The following KRT73 variants were observed in gnomAD, a reference collection of about 807,000 sequenced individuals.
KRT73 encodes the protein keratin 73.
A neutral mutation model predicts 47.2 loss-of-function variants in KRT73; 44 were observed. That is an observed-to-expected ratio of 0.93 (90% CI 0.73 to 1.20). KRT73 has a LOEUF of 1.20. Among genes scored for constraint, KRT73 ranks in the 50% most tolerant of loss-of-function variants. The pLI is 0.00. For synonymous variants in KRT73, 285 were observed against 291.3 expected (o/e 0.98, Z 0.22); for missense variants, 713 against 704.5 (o/e 1.01, Z -0.14).
At chr12:52,630,482 C>A in the KRT73 span, among the ~76,000 whole-genome samples, 5 of 152,146 alleles carry the variant, frequency 3.3e-5, no homozygotes, top group African/African-American at 1.2e-4. Context: ...TGCAGGGCAG[C>A]ACTGTGCCGA....
At chr12:52,621,570 G>T (rs1940907620), upstream of KRT73, among the ~76,000 whole-genome samples, 1 of 152,080 alleles carries the variant, frequency 6.6e-6, no homozygotes, top group African/African-American at 2.4e-5. Context: ...TCCAGACTTG[G>T]GGCAGAAGAA....
At chr12:52,613,992 G>T in intron 4 of KRT73, 140 bp from the exon 5 acceptor site, 1 of 1,319,676 alleles carries the variant, frequency 7.6e-7, no homozygotes, top group Non-Finnish European at 1.0e-6. Flanking sequence ...TAAGAACAGA[G>T]CTCACAGCCC....
intron 3 of KRT73, chr12:52,614,955 A>T (rs1428462105): frequency 1.9e-6 from 1 of 527,286 alleles, no homozygotes; most frequent in Non-Finnish European, 3.3e-6. Context: ...GAGGGAGGCA[A>T]GGACAGCCAC....
chr12:52,627,570 G>A, the KRT73 span, among the ~76,000 whole-genome samples: 2 of 152,140 alleles, frequency 1.3e-5, no homozygotes, highest in Admixed American at 6.6e-5. Context: ...AGCAGGAGAC[G>A]AAACAGGAGA....
chr12:52,620,120 T>C (rs532749893), upstream of KRT73, among the ~76,000 whole-genome samples: 1 of 145,914 alleles, frequency 6.9e-6, no homozygotes, highest in Admixed American at 6.8e-5. Flanking sequence ...TTTTTTTTTT[T>C]TTTTTTTTTT....
rs774488495 is a variant in KRT73 at position 52,610,597 on chromosome 12, T to A, written c.1331+18A>T. ...GGTGGAGACTTGCAGTTTCTTCCAG[T>A]CCCTCGGTCCCACCCACCTGCACTC... On this transcript the variant is annotated intron_variant, in intron 7 of 8. Coordinates refer to ENST00000305748, the MANE Select transcript of KRT73 (RefSeq NM_175068.3). The A allele has an allele frequency of 3.0e-6, 4 of 1,346,920 alleles. No homozygotes were observed. In the South Asian group the frequency reaches 3.4e-5, roughly 12 times the overall value. The allele number at this position is 1,346,920 out of a possible 1,614,324, so 83.4% of individuals were successfully genotyped here.
chr12:52,620,794 C>T (rs1940893054), upstream of KRT73, among the ~76,000 whole-genome samples: 1 of 152,198 alleles, frequency 6.6e-6, no homozygotes, highest in Non-Finnish European at 1.5e-5. Context: ...TCACACCTCT[C>T]TTCCCAGCCT....
chr12:52,622,714 G>A (rs1427056267), upstream of KRT73, among the ~76,000 whole-genome samples: 2 of 152,166 alleles, frequency 1.3e-5, no homozygotes, highest in Non-Finnish European at 2.9e-5. Flanking sequence ...TTCCACACGA[G>A]GGCGAAGGGA....
At chr12:52,613,968 C>T in intron 4 of KRT73, 116 bp from the exon 5 acceptor site, 2 of 1,446,988 alleles carry the variant, frequency 1.4e-6, no homozygotes, top group East Asian at 2.3e-5. Flanking sequence ...GGAAGCTGCA[C>T]TTCCCAAAGC....
intron 6 of KRT73, 45 bp from the exon 7 acceptor site, chr12:52,610,880 C>T: frequency 6.8e-7 from 1 of 1,473,182 alleles, no homozygotes; most frequent in Non-Finnish European, 9.4e-7. Context: ...CTCCCTGGGC[C>T]TCGCTTCACC....
rs201483959 is a variant in KRT73, at chr12:52,613,852, C to T, written c.820G>A (p.Glu274Lys). The change falls in exon 5 of 9, where the codon GAG (glutamate) becomes AAG (lysine). Residue 274 changes from glutamate to lysine, a missense_variant and splice_region_variant. Physicochemically the swap from Glu to Lys is moderately conservative, Grantham distance 56. Transcript: ENST00000305748. Reference protein sequence around the residue: ...IKFFKCLYEGETAQIQSHISD... With the variant: ...IKFFKCLYEGKTAQIQSHISD... Reference sequence around the variant, plus strand: ...ATGTGGGACTGGATCTGAGCAGTCTCCTGCAGGGGAAACAAGGAAGCATGA... The same window carrying T: ...ATGTGGGACTGGATCTGAGCAGTCTTCTGCAGGGGAAACAAGGAAGCATGA... The T allele has an allele frequency of 2.0e-4, 329 of 1,613,058 alleles. No homozygotes were observed. The highest frequency in any genetic ancestry group is 2.7e-4 in the Non-Finnish European group (316 of 1,179,378).
intron 6 of KRT73, 157 bp downstream of exon 6, chr12:52,611,047 A>G (rs1318410308): frequency 2.4e-5 from 25 of 1,059,040 alleles, no homozygotes; most frequent in East Asian, 9.6e-5. Flanking sequence ...AATTGTTCCA[A>G]ACTTCAGATG....
chr12:52,628,673 G>A, the KRT73 span, among the ~76,000 whole-genome samples: 1 of 152,208 alleles, frequency 6.6e-6, no homozygotes, highest in African/African-American at 2.4e-5. Context: ...GAAGGAGACA[G>A]TGTGGGCTAA....
At chr12:52,618,053 A>G in intron 1 of KRT73, 25 bp downstream of exon 1, 1 of 1,609,632 alleles carries the variant, frequency 6.2e-7, no homozygotes, top group Non-Finnish European at 8.5e-7. Flanking sequence ...GGAGCCCAAG[A>G]TCAGCTTTCT....
intron 4 of KRT73, chr12:52,614,096 G>A: frequency 4.3e-6 from 2 of 469,814 alleles, no homozygotes; most frequent in Non-Finnish European, 7.4e-6. Context: ...AGACAGGACA[G>A]GAGTGGGGAA....
At chr12:52,614,897 G>A (rs996897889) in intron 3 of KRT73, 3 of 558,046 alleles carry the variant, frequency 5.4e-6, no homozygotes, top group African/African-American at 1.9e-5. Flanking sequence ...ATTTCTCAGA[G>A]AAGGGTGTGA....
intron 4 of KRT73, 147 bp from the exon 5 acceptor site, chr12:52,613,999 G>T: frequency 8.0e-7 from 1 of 1,248,844 alleles, no homozygotes; most frequent in Non-Finnish European, 1.1e-6. Context: ...AGAGCTCACA[G>T]CCCAGAGGTT....
chr12:52,608,610 C>A (rs958559594), intron 8 of KRT73, among the ~76,000 whole-genome samples, 158 bp from the exon 9 acceptor site: 2 of 152,174 alleles, frequency 1.3e-5, no homozygotes, highest in African/African-American at 4.8e-5. Flanking sequence ...GCAACTCAAG[C>A]GCGGGAAGAA....
intron 8 of KRT73, 33 bp from the exon 9 acceptor site, chr12:52,608,485 A>G: frequency 6.4e-7 from 1 of 1,572,022 alleles, no homozygotes; most frequent in Non-Finnish European, 8.6e-7. Context: ...TGATCAGTGT[A>G]TATCCCAGGA....
Sources: allele counts gnomAD v4.1 joint callset (sites outside exome capture counted in the v4.1 genomes callset), GRCh38; gene constraint gnomAD v4.1.1; transcripts MANE v1.5; gene names NCBI Gene and HGNC (gene_info 2026-07-23, HGNC 2026-07-21).